The following DENND4B variants were observed in gnomAD, a reference collection of about 807,000 sequenced individuals.
DENND4B encodes the protein DENN domain-containing protein 4B.
Under a neutral mutation model 161.0 loss-of-function variants are expected in DENND4B, and 67 were observed. The ratio of observed to expected loss-of-function variants is 0.42; its 90% CI spans 0.34 to 0.51. DENND4B has a LOEUF of 0.51. Ranked by LOEUF, DENND4B falls within the 20% of genes least tolerant of loss-of-function variation. The pLI is 0.08. For synonymous variants in DENND4B, 753 were observed against 813.8 expected (o/e 0.93, Z 1.27); for missense variants, 1,481 against 1,968.0 (o/e 0.75, Z 4.68).
chr1:153,934,815 CTGCTGCTGCTGCTGT>C lies in DENND4B; in HGVS notation c.2703_2717del (p.Gln906_Gln910del), dbSNP rs751860988. On this transcript the variant is annotated inframe_deletion, in exon 18 of 28. Coordinates refer to ENST00000361217, the MANE Select transcript of DENND4B (RefSeq NM_014856.3). This position sits in a 1 kb window ranked among gnomAD's most constrained non-coding sequence, Gnocchi z 5.3. ...CTGACACCTGCTCCTGCTGCTGCTGCTGCTGCTGCTGCTGTTGCTGCTGCTGCTGCTGTTGCCGTT... is the reference window on the plus strand; with the variant it reads ...CTGACACCTGCTCCTGCTGCTGCTGCTGCTGCTGCTGCTGCTGTTGCCGTT... 65 of 1,559,268 alleles carry C rather than the reference CTGCTGCTGCTGCTGT, an allele frequency of 4.2e-5. No individual in the cohort carries two copies. The highest frequency in any genetic ancestry group is 4.2e-4 in the Admixed American group (23 of 55,238).
rs1385590852 is a variant in DENND4B, at chr1:153,932,383, G to A, written c.3817C>T (p.Arg1273Cys). ...TCTACCAGCGACTCCAGCTCCTTAC[G>A]CAGCACCAGGGGGCTCAGGTATGCC... ...AWAYLSPLVLRKELESLVENE... is the reference protein window; with the variant it reads ...AWAYLSPLVLCKELESLVENE... The change falls in exon 24 of 28, where the codon CGT becomes TGT. Residue 1273 changes from arginine to cysteine, a missense_variant. Around this residue, in one of 3 missense-constraint regions of DENND4B, gnomAD observed 336 missense variants for 503.3 expected, o/e 0.67. Coordinates refer to ENST00000361217, the MANE Select transcript of DENND4B (RefSeq NM_014856.3). The surrounding 1 kb of genome is among the most constrained non-coding windows in gnomAD (Gnocchi z 5.8). The A allele has an allele frequency of 6.2e-7, 1 of 1,613,626 alleles. No homozygotes were observed. The highest frequency in any genetic ancestry group is 8.5e-7 in the Non-Finnish European group (1 of 1,179,742).
chr1:153,946,259 C>A lies in DENND4B; in HGVS notation c.-24+42G>T. On this transcript the variant is annotated intron_variant, in intron 1 of 27. Transcript: ENST00000361217. The surrounding 1 kb of genome is among the most constrained non-coding windows in gnomAD (Gnocchi z 6.3). ...GCCTGCCGCCCGCGCTCCCTCCTGCCCGTCCCCGCCTGCCGCCCAGCCCGG... is the reference window on the plus strand; with the variant it reads ...GCCTGCCGCCCGCGCTCCCTCCTGCACGTCCCCGCCTGCCGCCCAGCCCGG... The A allele has an allele frequency of 2.9e-6, 1 of 338,986 alleles. No individual in the cohort carries two copies. The highest frequency in any genetic ancestry group is 1.4e-4 in the South Asian group (1 of 7,094). 21.0% of individuals were successfully genotyped at this position (338,986 alleles called of 1,614,324 possible).
chr1:153,939,282 G>C (rs1204820077), intron 12 of DENND4B, among the ~76,000 whole-genome samples: 1 of 151,806 alleles, frequency 6.6e-6, no homozygotes, highest in African/African-American at 2.4e-5. Flanking sequence ...ACTGGGGGGG[G>C]TCTCCAAGGG....
Position 153,944,258 on chromosome 1 carries a change from G to A in DENND4B, c.117C>T (p.Arg39=), listed in dbSNP as rs763306108. The change falls in exon 2 of 28, where the codon CGC becomes CGT. Residue 39 remains arginine, a synonymous_variant. Transcript: ENST00000361217. The surrounding 1 kb of genome is among the most constrained non-coding windows in gnomAD (Gnocchi z 4.8). ...TWVPEPSGPL[R]PPRPAEPITD... ...TGATGGGCTCAGCTGGCCGGGGAGG[G>A]CGCAGGGGCCCACTGGGTTCAGGAA... 1.4e-5 allele frequency: 23 copies of A among 1,600,896 alleles called. No individual in the cohort carries two copies. The highest frequency in any genetic ancestry group is 1.9e-5 in the Non-Finnish European group (22 of 1,172,924).
In DENND4B at chr1:153,936,634, C is replaced by A; in HGVS notation, c.2347G>T (p.Val783Leu). 1 of 1,613,624 alleles carries A rather than the reference C, an allele frequency of 6.2e-7. No individual in the cohort carries two copies. The highest frequency in any genetic ancestry group is 8.5e-7 in the Non-Finnish European group (1 of 1,179,686). ...GLWFLCLPAYVRSAPSRVQAL... is the reference protein window; with the variant it reads ...GLWFLCLPAYLRSAPSRVQAL... ...TGCACTCGGGAGGGTGCCGACCGCA[C>A]ATAGGCAGGCAGACACAGGAACCAC... The change falls in exon 16 of 28, where the codon GTG becomes TTG. Residue 783 changes from valine to leucine, a missense_variant. Physicochemically the swap from Val to Leu is conservative, Grantham distance 32. Coordinates refer to ENST00000361217, the MANE Select transcript of DENND4B (RefSeq NM_014856.3). The surrounding 1 kb of genome is among the most constrained non-coding windows in gnomAD (Gnocchi z 4.1).
intron 6 of DENND4B, 83 bp downstream of exon 6, chr1:153,941,786 A>ACCCCCC: frequency 4.8e-6 from 2 of 417,702 alleles, no homozygotes; most frequent in Non-Finnish European, 3.8e-6. Context: ...CCCTCCCCCC[A>ACCCCCC]CCCACATCTG....
chr1:153,930,704 A>T lies in DENND4B; in HGVS notation c.4268T>A (p.Leu1423Gln). ...GGTAGCACCATACCTCTGCAGGTGC[A>T]GGCCAGTGGGTGGGGGCCCTAGAGT... The part of the protein sequence containing the change: ...LETLGPPPTG[L>Q]HLQRGIYREI... Residue 1423 changes from leucine to glutamine, a missense_variant, in exon 26 of 28, where the codon CTG (leucine) becomes CAG (glutamine). Leu to Gln is a moderately radical substitution (Grantham distance 113). This residue lies in a region of DENND4B where 336 missense variants were observed against 503.3 expected (regional missense o/e 0.67). Coordinates refer to ENST00000361217, the MANE Select transcript of DENND4B (RefSeq NM_014856.3). The surrounding 1 kb of genome is among the most constrained non-coding windows in gnomAD (Gnocchi z 4.7). 1 of 1,612,244 alleles carries T rather than the reference A, an allele frequency of 6.2e-7. No homozygotes were observed. The highest frequency in any genetic ancestry group is 8.5e-7 in the Non-Finnish European group (1 of 1,178,944).
In DENND4B at chr1:153,930,940, G is replaced by A. The variant is rs372457135; in HGVS notation, c.4114+7C>T. On this transcript the variant is annotated splice_region_variant and intron_variant, in intron 25 of 27. Transcript: ENST00000361217. This position sits in a 1 kb window ranked among gnomAD's most constrained non-coding sequence, Gnocchi z 4.7. ...CCCTCCCCACCCAGGCCAAATACCAGACTCACTGTGGACCCTCCAGAGCAC... is the reference window on the plus strand; with the variant it reads ...CCCTCCCCACCCAGGCCAAATACCAAACTCACTGTGGACCCTCCAGAGCAC... 9.6e-6 allele frequency: 14 copies of A among 1,461,918 alleles called. No homozygotes were observed. The highest frequency in any genetic ancestry group is 1.3e-5 in the Non-Finnish European group (14 of 1,065,078). 90.6% of individuals were successfully genotyped at this position (1,461,918 alleles called of 1,614,324 possible).
In DENND4B at chr1:153,933,272, G is replaced by C; in HGVS notation, c.3378C>G (p.Leu1126=). The change falls in exon 21 of 28, where the codon CTC becomes CTG. Residue 1126 remains leucine (L), a synonymous_variant. Transcript: ENST00000361217. The surrounding 1 kb of genome is among the most constrained non-coding windows in gnomAD (Gnocchi z 5.7). ...GSEWDLSESS[L]SNLSLRRSSE... ...AGGAACGGCGAAGACTCAGGTTGCT[G>C]AGAGAAGATTCTGAGAGGTCCCACT... 6.2e-7 allele frequency: 1 copy of C among 1,613,234 alleles called. No individual in the cohort carries two copies. The highest frequency in any genetic ancestry group is 8.5e-7 in the Non-Finnish European group (1 of 1,179,554).
rs1045439312 is a variant in DENND4B, at chr1:153,937,288, G to GTGA, written c.2232+197_2232+199dup. On this transcript the variant is annotated intron_variant, in intron 15 of 27. Coordinates refer to ENST00000361217, the MANE Select transcript of DENND4B (RefSeq NM_014856.3). The surrounding 1 kb of genome is among the most constrained non-coding windows in gnomAD (Gnocchi z 4.7). ...TTCCCAGAGTGCTCAGAAGACGGAG[G>GTGA]TGATGATGATGATGATAATGACAGT... Among the ~76,000 whole-genome samples, 2 of 152,234 alleles carry GTGA rather than the reference G, an allele frequency of 1.3e-5. No individual in the cohort carries two copies. Among genetic ancestry groups the GTGA allele is most frequent in the Admixed American group, 1.3e-4 (2 of 15,282 alleles).
rs770568809 is a variant in DENND4B, at chr1:153,930,410, T to G, written c.4378A>C (p.Asn1460His). The change falls in exon 28 of 28, where the codon AAC becomes CAC. Residue 1460 changes from asparagine (N) to histidine (H), a missense_variant. Physicochemically the swap from Asn to His is moderately conservative, Grantham distance 68. Coordinates refer to ENST00000361217, the MANE Select transcript of DENND4B (RefSeq NM_014856.3). This position sits in a 1 kb window ranked among gnomAD's most constrained non-coding sequence, Gnocchi z 4.7. ...TTGCCCATGCTGCTGGCCAGCTTGTTAAAGGCAGACTTGTACTTCTTATCG... is the reference window on the plus strand; with the variant it reads ...TTGCCCATGCTGCTGGCCAGCTTGTGAAAGGCAGACTTGTACTTCTTATCG... ...AFDKKYKSAFNKLASSMGKEE... is the reference protein window; with the variant it reads ...AFDKKYKSAFHKLASSMGKEE... 5 of 1,614,020 alleles carry G rather than the reference T, an allele frequency of 3.1e-6. No homozygotes were observed. The highest frequency in any genetic ancestry group is 4.2e-6 in the Non-Finnish European group (5 of 1,179,886).
At position 153,933,932 on chromosome 1, in the gene DENND4B, C is replaced by T. The variant is rs550661933; in HGVS notation, c.2942-61G>A. ...CAGCCTCTGCACCAACTTCCCCTTTCCTGAATAAACACAATTCCTGGCTGC... is the reference window on the plus strand; with the variant it reads ...CAGCCTCTGCACCAACTTCCCCTTTTCTGAATAAACACAATTCCTGGCTGC... On this transcript the variant is annotated intron_variant, in intron 19 of 27. Transcript: ENST00000361217. This position sits in a 1 kb window ranked among gnomAD's most constrained non-coding sequence, Gnocchi z 5.7. The T allele has an allele frequency of 2.9e-5, 45 of 1,576,516 alleles. No individual in the cohort carries two copies. In the African/African-American group the frequency reaches 6.1e-4, roughly 21 times the overall value.
rs1679094761 is a variant in DENND4B at position 153,933,410 on chromosome 1, A to G, written c.3330+73T>C. ...AGCACCCCTCAGAGCCCCCTTTTTGAGCATTCTTCCAGTCGTAGCCCCTCC... is the reference window on the plus strand; with the variant it reads ...AGCACCCCTCAGAGCCCCCTTTTTGGGCATTCTTCCAGTCGTAGCCCCTCC... On this transcript the variant is annotated intron_variant, in intron 20 of 27. Transcript: ENST00000361217. The surrounding 1 kb of genome is among the most constrained non-coding windows in gnomAD (Gnocchi z 5.7). 1.2e-6 allele frequency: 2 copies of G among 1,605,648 alleles called. No individual in the cohort carries two copies. Among genetic ancestry groups the G allele is most frequent in the Non-Finnish European group, 1.7e-6 (2 of 1,176,072 alleles).
rs976344432 is a variant in DENND4B at position 153,940,726 on chromosome 1, G to A, written c.1327-120C>T. ...TTGGTGCCTGTTGAGAGAGGCTGTT[G>A]GAAGTAGGCTCTAGAGAAGAGCTCC... On this transcript the variant is annotated intron_variant, in intron 9 of 27. Transcript: ENST00000361217. The surrounding 1 kb of genome is among the most constrained non-coding windows in gnomAD (Gnocchi z 5.6). The A allele has an allele frequency of 4.1e-6, 6 of 1,454,664 alleles. No individual in the cohort carries two copies. The highest frequency in any genetic ancestry group is 5.6e-6 in the Non-Finnish European group (6 of 1,078,190). The allele number at this position is 1,454,664 out of a possible 1,614,324, so 90.1% of individuals were successfully genotyped here. A position where few individuals can be genotyped will look rare whatever the true frequency, so the allele number is the denominator to read the frequency against.
At position 153,942,173 on chromosome 1, in the gene DENND4B, C is replaced by T; in HGVS notation, c.810+14G>A. 6.2e-7 allele frequency: 1 copy of T among 1,613,986 alleles called. No individual in the cohort carries two copies. The highest frequency in any genetic ancestry group is 8.5e-7 in the Non-Finnish European group (1 of 1,179,866). On this transcript the variant is annotated intron_variant, in intron 5 of 27. Coordinates refer to ENST00000361217, the MANE Select transcript of DENND4B (RefSeq NM_014856.3). The surrounding 1 kb of genome is among the most constrained non-coding windows in gnomAD (Gnocchi z 6.9). ...TGCATAGCCTGGACCCCTTGCCACA[C>T]TCCACACACCCACCTTATCACCAGC...
In DENND4B at chr1:153,936,281, A is replaced by C; in HGVS notation, c.2440-93T>G. 2 of 1,499,198 alleles carry C rather than the reference A, an allele frequency of 1.3e-6. No individual in the cohort carries two copies. Among genetic ancestry groups the C allele is most frequent in the Non-Finnish European group, 1.8e-6 (2 of 1,114,182 alleles). The allele number at this position is 1,499,198 out of a possible 1,614,324, so 92.9% of individuals were successfully genotyped here. On this transcript the variant is annotated intron_variant, in intron 16 of 27. Transcript: ENST00000361217. The surrounding 1 kb of genome is among the most constrained non-coding windows in gnomAD (Gnocchi z 4.1). Reference sequence around the variant, plus strand: ...CCCTCTTCCTGCCTCCCCAATTCTCACAGACATCACTGGCCCCTGGCAGGT... The same window carrying C: ...CCCTCTTCCTGCCTCCCCAATTCTCCCAGACATCACTGGCCCCTGGCAGGT...
chr1:153,933,083 G>C lies in DENND4B; in HGVS notation c.3454-53C>G. On this transcript the variant is annotated intron_variant, in intron 21 of 27. Coordinates refer to ENST00000361217, the MANE Select transcript of DENND4B (RefSeq NM_014856.3). The surrounding 1 kb of genome is among the most constrained non-coding windows in gnomAD (Gnocchi z 5.7). ...GTGCTGTCTGGCCGCCAGCACTCTG[G>C]AGCCCATGCCCCTTCCCCAGCCCCT... 1 of 1,610,598 alleles carries C rather than the reference G, an allele frequency of 6.2e-7. No individual in the cohort carries two copies. Among genetic ancestry groups the C allele is most frequent in the South Asian group, 1.1e-5 (1 of 90,952 alleles).
At position 153,932,582 on chromosome 1, in the gene DENND4B, C is replaced by CCACAGGCCCCA; in HGVS notation, c.3759+49_3759+59dup. ...GATGTGCCCATCTCTCCCTGGCACC[C>CCACAGGCCCCA]CACAGGCCCCACACAGGGCAACATT... On this transcript the variant is annotated intron_variant, in intron 23 of 27. Coordinates refer to ENST00000361217, the MANE Select transcript of DENND4B (RefSeq NM_014856.3). This position sits in a 1 kb window ranked among gnomAD's most constrained non-coding sequence, Gnocchi z 5.8. 6.3e-7 allele frequency: 1 copy of CCACAGGCCCCA among 1,579,690 alleles called. No individual in the cohort carries two copies. Among genetic ancestry groups the CCACAGGCCCCA allele is most frequent in the East Asian group, 2.2e-5 (1 of 44,452 alleles).
rs771236597 is a variant in DENND4B, at chr1:153,934,820, G to C, written c.2713C>G (p.Gln905Glu). The C allele has an allele frequency of 5.8e-6, 9 of 1,563,306 alleles. No homozygotes were observed. The Admixed American group carries it at 1.6e-4, about 28-fold the overall frequency. Reference sequence around the variant, plus strand: ...ACCTGCTCCTGCTGCTGCTGCTGCTGCTGCTGCTGTTGCTGCTGCTGCTGC... The same window carrying C: ...ACCTGCTCCTGCTGCTGCTGCTGCTCCTGCTGCTGTTGCTGCTGCTGCTGC... Reference protein sequence around the residue: ...QQQQQQQQQQQQQQQQEQVSA... With the variant: ...QQQQQQQQQQEQQQQQEQVSA... Residue 905 changes from glutamine (Q) to glutamate (E), a missense_variant, in exon 18 of 28, where the codon CAG becomes GAG. Physicochemically the swap from Gln to Glu is conservative, Grantham distance 29. Transcript: ENST00000361217. This position sits in a 1 kb window ranked among gnomAD's most constrained non-coding sequence, Gnocchi z 5.3.
Sources: allele counts gnomAD v4.1 joint callset (sites outside exome capture counted in the v4.1 genomes callset), GRCh38; gene constraint gnomAD v4.1.1; regional missense constraint gnomAD v4.1.1; non-coding constraint Gnocchi (gnomAD v3.1); transcripts MANE v1.5; gene names NCBI Gene and HGNC (gene_info 2026-07-23, HGNC 2026-07-21).